Variants in LRRK2 observed in about 807,000 individuals in gnomAD.
The protein encoded by LRRK2 is leucine-rich repeat serine/threonine-protein kinase 2.
LRRK2 carries 203 observed loss-of-function variants against 302.6 expected under a neutral mutation model. That is an observed-to-expected ratio of 0.67 (90% CI 0.60 to 0.75). The LOEUF is 0.75. Ranked by LOEUF, LRRK2 falls within the 30% of genes least tolerant of loss-of-function variation. LRRK2 has a pLI of 0.00. For missense variants in LRRK2, 2,830 were observed against 2,951.0 expected (o/e 0.96, Z 0.95); for synonymous variants, 1,066 against 1,031.9 (o/e 1.03, Z -0.63).
intron 47 of LRRK2, among the ~76,000 whole-genome samples, chr12:40,360,846 C>G (rs1946682206): frequency 6.9e-6 from 1 of 145,596 alleles, no homozygotes. Flanking sequence ...TGAATGTGGT[C>G]TTCTCCTTAC....
chr12:40,351,499 A>G (rs773449378), intron 43 of LRRK2, 40 bp from the exon 44 acceptor site: 2 of 1,594,750 alleles, frequency 1.3e-6, no homozygotes, highest in South Asian at 2.2e-5. Context: ...AAATGAGTTA[A>G]CTCGATAAGT....
intron 14 of LRRK2, among the ~76,000 whole-genome samples, chr12:40,273,344 A>C (rs535902882): frequency 6.6e-6 from 1 of 152,168 alleles, no homozygotes; most frequent in Non-Finnish European, 1.5e-5. Flanking sequence ...AAAAATGTCA[A>C]GGGAGACTAT....
chr12:40,341,652 T>A (rs1946049159), intron 41 of LRRK2, among the ~76,000 whole-genome samples: 1 of 152,156 alleles, frequency 6.6e-6, no homozygotes, highest in African/African-American at 2.4e-5. Flanking sequence ...GGGCTGGAAG[T>A]TAGCTATTAG....
intron 33 of LRRK2, among the ~76,000 whole-genome samples, chr12:40,318,737 A>G (rs1457177362): frequency 6.6e-6 from 1 of 152,090 alleles, no homozygotes; most frequent in Non-Finnish European, 1.5e-5. Flanking sequence ...GCAGTTGGAG[A>G]TGAATTGTCA....
chr12:40,347,007 AT>A, intron 42 of LRRK2, 84 bp downstream of exon 42: 1 of 1,108,984 alleles, frequency 9.0e-7, no homozygotes, highest in African/African-American at 1.7e-5. Flanking sequence ...TGTATGCTTA[AT>A]TCCTTAAACA....
chr12:40,273,180 A>G (rs1352394309), intron 14 of LRRK2, among the ~76,000 whole-genome samples: 2 of 152,180 alleles, frequency 1.3e-5, no homozygotes, highest in Non-Finnish European at 2.9e-5. Context: ...TCTTGAATAA[A>G]AGTTCCACTT....
chr12:40,336,893 G>A (rs1945889296), intron 40 of LRRK2, among the ~76,000 whole-genome samples: 2 of 152,118 alleles, frequency 1.3e-5, no homozygotes, highest in South Asian at 4.1e-4. Flanking sequence ...AATCCCCAAA[G>A]TGTTTATTTA....
Position 40,308,483 on chromosome 12 carries a change from T to C in LRRK2, c.3976T>C (p.Leu1326=). The C allele has an allele frequency of 6.2e-7, 1 of 1,613,548 alleles. No homozygotes were observed. Among genetic ancestry groups the C allele is most frequent in the Non-Finnish European group, 8.5e-7 (1 of 1,179,804 alleles). The stretch of plus-strand genomic sequence containing the variant: ...AAATACTAGGTTTCTTCAACAGCGA[T>C]TAAAAAAGGCTGTGCCTTATAACCG... The part of the protein sequence containing the change: ...KDIIRFLQQR[L]KKAVPYNRMK... Residue 1326 remains leucine (L), a synonymous_variant, in exon 29 of 51, where the codon TTA becomes CTA. Coordinates refer to ENST00000298910, the MANE Select transcript of LRRK2 (RefSeq NM_198578.4).
At chr12:40,268,997 G>A (rs974796385) in intron 14 of LRRK2, among the ~76,000 whole-genome samples, 1 of 152,142 alleles carries the variant, frequency 6.6e-6, no homozygotes, top group Non-Finnish European at 1.5e-5. Context: ...AGATGGATGA[G>A]ATTTAAAGTC....
intron 2 of LRRK2, among the ~76,000 whole-genome samples, chr12:40,230,589 C>T (rs1230352885): frequency 6.6e-6 from 1 of 151,390 alleles, no homozygotes; most frequent in Non-Finnish European, 1.5e-5. Flanking sequence ...TTCAGTATTT[C>T]TATTATATTG....
In LRRK2 at chr12:40,303,954, G is replaced by A; in HGVS notation, c.3597G>A (p.Arg1199=). ...PEAILNLPHL[R]SLDMSSNDIQ... ...TTTCTGTGTATTGTTTTAGCTTGCG[G>A]TCTTTAGATATGAGCAGCAATGATA... Residue 1199 remains arginine (R), a synonymous_variant, in exon 27 of 51, where the codon CGG becomes CGA. Transcript: ENST00000298910. 6.2e-7 allele frequency: 1 copy of A among 1,613,620 alleles called. No individual in the cohort carries two copies. The highest frequency in any genetic ancestry group is 8.5e-7 in the Non-Finnish European group (1 of 1,179,688).
At chr12:40,293,800 A>G (rs1944257660) in intron 21 of LRRK2, 137 bp downstream of exon 21, 6 of 612,080 alleles carry the variant, frequency 9.8e-6, no homozygotes, top group Non-Finnish European at 1.8e-5. Context: ...TGAGATTTTT[A>G]TATATGTAAT....
At position 40,295,599 on chromosome 12, in the gene LRRK2, G is replaced by C. The variant is rs200969116; in HGVS notation, c.3051G>C (p.Glu1017Asp). 1.2e-6 allele frequency: 2 copies of C among 1,614,002 alleles called. No homozygotes were observed. The highest frequency in any genetic ancestry group is 1.7e-6 in the Non-Finnish European group (2 of 1,179,956). ...ATTTGGAGCATCTTGAAAAGCTGGA[G>C]CTTCACCAGAATGCACTCACGAGCT... The part of the protein sequence containing the change: ...SVHLEHLEKL[E>D]LHQNALTSFP... Residue 1017 changes from glutamate (E) to aspartate (D), a missense_variant, in exon 23 of 51, where the codon GAG (glutamate) becomes GAC (aspartate). Around this residue, in one of 3 missense-constraint regions of LRRK2, gnomAD observed 2,121 missense variants for 2,148.0 expected, o/e 0.99. Transcript: ENST00000298910.
At chr12:40,332,003 G>A (rs1178845866) in intron 39 of LRRK2, among the ~76,000 whole-genome samples, 1 of 152,176 alleles carries the variant, frequency 6.6e-6, no homozygotes, top group Non-Finnish European at 1.5e-5. Context: ...TTGAGTACTT[G>A]TATTTCAAAG....
At chr12:40,286,301 G>A (rs1943924047) in intron 19 of LRRK2, 1 of 151,852 alleles carries the variant, frequency 6.6e-6, no homozygotes, top group Non-Finnish European at 1.5e-5. Flanking sequence ...CATCCTACCG[G>A]GCTTCGGGAT....
At chr12:40,361,316 A>C (rs1026907585) in intron 47 of LRRK2, among the ~76,000 whole-genome samples, 3 of 152,156 alleles carry the variant, frequency 2.0e-5, no homozygotes, top group Non-Finnish European at 4.4e-5. Context: ...CACATTTTAA[A>C]AAATGAATGT....
chr12:40,345,776 G>A (rs1390480324), intron 41 of LRRK2, among the ~76,000 whole-genome samples: 1 of 151,772 alleles, frequency 6.6e-6, no homozygotes, highest in Non-Finnish European at 1.5e-5. Context: ...AAATTAAGTT[G>A]TAGACATCAT....
At chr12:40,243,018 T>G (rs938346039) in intron 6 of LRRK2, among the ~76,000 whole-genome samples, 1 of 151,526 alleles carries the variant, frequency 6.6e-6, no homozygotes, top group African/African-American at 2.4e-5. Context: ...TTATTGTCCC[T>G]ATTTTACCAA....
At chr12:40,297,047 C>T (rs934963466) in intron 23 of LRRK2, among the ~76,000 whole-genome samples, 1 of 150,822 alleles carries the variant, frequency 6.6e-6, no homozygotes, top group Non-Finnish European at 1.5e-5. Flanking sequence ...AATACCTTTG[C>T]CCCCACTAGA....
Sources: allele counts gnomAD v4.1 joint callset (sites outside exome capture counted in the v4.1 genomes callset), GRCh38; gene constraint gnomAD v4.1.1; regional missense constraint gnomAD v4.1.1; transcripts MANE v1.5; gene names NCBI Gene and HGNC (gene_info 2026-07-23, HGNC 2026-07-21).